Variants in MARK1 observed in about 807,000 individuals in gnomAD.
MARK1 encodes microtubule affinity regulating kinase 1, also known as serine/threonine-protein kinase MARK1.
Under a neutral mutation model 96.3 loss-of-function variants are expected in MARK1, and 40 were observed. The observed-to-expected ratio is 0.42, with a 90% CI of 0.32 to 0.54. The LOEUF is 0.54. Among genes scored for constraint, MARK1 ranks in the 20% least tolerant of loss-of-function variants. MARK1 has a pLI of 0.16. For missense variants in MARK1, 719 were observed against 984.6 expected, an observed-to-expected ratio of 0.73 and a Z score of 3.61; for synonymous variants, 317 against 341.2, an observed-to-expected ratio of 0.93 and a Z score of 0.78.
intron 1 of MARK1, among the ~76,000 whole-genome samples, chr1:220,536,144 A>T (rs769525645): frequency 2.0e-5 from 3 of 152,044 alleles, no homozygotes; most frequent in Non-Finnish European, 2.9e-5. Flanking sequence ...TATTTCTAGC[A>T]GTTCTTTTTT....
At chr1:220,566,334 C>T (rs1224146053) in intron 1 of MARK1, among the ~76,000 whole-genome samples, 1 of 152,110 alleles carries the variant, frequency 6.6e-6, no homozygotes, top group Admixed American at 6.6e-5. Context: ...AGGCATAAAC[C>T]TATGCTATTT....
intron 3 of MARK1, among the ~76,000 whole-genome samples, chr1:220,582,898 A>G (rs935366400): frequency 6.6e-6 from 1 of 152,244 alleles, no homozygotes; most frequent in Admixed American, 6.5e-5. Flanking sequence ...CACTAAATGT[A>G]GCCAGTACAC....
At chr1:220,630,403 C>G (rs539546846) in intron 9 of MARK1, among the ~76,000 whole-genome samples, 3 of 152,130 alleles carry the variant, frequency 2.0e-5, no homozygotes, top group Non-Finnish European at 4.4e-5. Flanking sequence ...TAGTTGGCCC[C>G]CACAAGGTTG....
intron 1 of MARK1, among the ~76,000 whole-genome samples, chr1:220,541,179 C>A (rs957940288): frequency 6.6e-6 from 1 of 152,088 alleles, no homozygotes; most frequent in African/African-American, 2.4e-5. Flanking sequence ...GTGATCTGCC[C>A]ACCTTGGCCT....
At chr1:220,554,401 A>G (rs1662095632) in intron 1 of MARK1, among the ~76,000 whole-genome samples, 1 of 152,200 alleles carries the variant, frequency 6.6e-6, no homozygotes, top group African/African-American at 2.4e-5. Context: ...GGTTATCACA[A>G]GTAGAGGTTG....
At chr1:220,633,449 TC>T (rs1667780201) in intron 11 of MARK1, among the ~76,000 whole-genome samples, 2 of 152,336 alleles carry the variant, frequency 1.3e-5, no homozygotes, top group South Asian at 4.1e-4. Flanking sequence ...AGCAGTGCAT[TC>T]CAGCTGACAT....
At chr1:220,652,273 G>T in intron 15 of MARK1, 123 bp downstream of exon 15, 1 of 707,272 alleles carries the variant, frequency 1.4e-6, no homozygotes, top group Non-Finnish European at 2.1e-6. Context: ...TGTTTGTTAT[G>T]GAGGAAAAAT....
At chr1:220,615,597 T>C (rs1666697377) in intron 6 of MARK1, among the ~76,000 whole-genome samples, 1 of 152,178 alleles carries the variant, frequency 6.6e-6, no homozygotes, top group South Asian at 2.1e-4. Context: ...AAAGCTTTTA[T>C]TTCAACACTA....
chr1:220,656,164 G>A (rs1181464569), intron 16 of MARK1, among the ~76,000 whole-genome samples: 2 of 152,184 alleles, frequency 1.3e-5, no homozygotes, highest in African/African-American at 2.4e-5. Flanking sequence ...TGCTGCATAT[G>A]CTGTTAGAGC....
intron 1 of MARK1, among the ~76,000 whole-genome samples, chr1:220,529,893 C>T (rs537618856): frequency 5.9e-5 from 9 of 152,120 alleles, no homozygotes; most frequent in Non-Finnish European, 1.3e-4. Context: ...TTTTAAGGAC[C>T]TAGAGGGGTA....
intron 1 of MARK1, among the ~76,000 whole-genome samples, chr1:220,534,080 G>C (rs966883469): frequency 1.3e-5 from 2 of 151,984 alleles, no homozygotes; most frequent in Non-Finnish European, 2.9e-5. Context: ...GTGCAGTACA[G>C]TATTTTTGGT....
At chr1:220,534,547 G>T (rs1660550340) in intron 1 of MARK1, among the ~76,000 whole-genome samples, 2 of 151,906 alleles carry the variant, frequency 1.3e-5, no homozygotes, top group Admixed American at 6.6e-5. Context: ...TTGTCTCTCT[G>T]TACTTGGCTT....
chr1:220,533,542 C>CT (rs1660472680), intron 1 of MARK1, among the ~76,000 whole-genome samples: 1 of 152,028 alleles, frequency 6.6e-6, no homozygotes, highest in Non-Finnish European at 1.5e-5. Flanking sequence ...TAGTGATGAA[C>CT]TTTTTTAGAT....
At chr1:220,539,363 G>T (rs1048210338) in intron 1 of MARK1, among the ~76,000 whole-genome samples, 1 of 152,070 alleles carries the variant, frequency 6.6e-6, no homozygotes, top group Non-Finnish European at 1.5e-5. Context: ...TTATATGCTG[G>T]ATTACATTGA....
chr1:220,598,222 C>T, intron 3 of MARK1, 109 bp from the exon 4 acceptor site: 2 of 387,228 alleles, frequency 5.2e-6, no homozygotes, highest in South Asian at 4.3e-5. Context: ...TTGCCAGAAT[C>T]CTGTAGCATT....
intron 13 of MARK1, among the ~76,000 whole-genome samples, chr1:220,640,904 T>G (rs1182508235): frequency 6.6e-6 from 1 of 152,200 alleles, no homozygotes; most frequent in Admixed American, 6.5e-5. Flanking sequence ...GGATCAAGCT[T>G]CTAACACAGG....
At chr1:220,644,471 A>ACG (rs1668474178) in intron 13 of MARK1, among the ~76,000 whole-genome samples, 1 of 126,498 alleles carries the variant, frequency 7.9e-6, no homozygotes, top group Admixed American at 8.4e-5. Flanking sequence ...CCACACACAC[A>ACG]CAATAATAGT....
chr1:220,636,456 G>A (rs1667971024), intron 13 of MARK1, among the ~76,000 whole-genome samples: 2 of 152,094 alleles, frequency 1.3e-5, no homozygotes, highest in East Asian at 3.9e-4. Context: ...CTCCCATAAG[G>A]CAGCAGGAAA....
chr1:220,598,584 G>A (rs1665533337), intron 4 of MARK1, among the ~76,000 whole-genome samples: 1 of 151,604 alleles, frequency 6.6e-6, no homozygotes, highest in Non-Finnish European at 1.5e-5. Context: ...GCTACAGATT[G>A]CTGTTTTCTG....
Sources: allele counts gnomAD v4.1 joint callset (sites outside exome capture counted in the v4.1 genomes callset), GRCh38; gene constraint gnomAD v4.1.1; transcripts MANE v1.5; gene names NCBI Gene and HGNC (gene_info 2026-07-23, HGNC 2026-07-21).